CD200: variants seen among roughly 807,000 people sequenced by gnomAD.
CD200 encodes CD200 molecule.
A neutral mutation model predicts 30.9 loss-of-function variants in CD200; 15 were observed. That is an observed-to-expected ratio of 0.49 (90% CI 0.32 to 0.75). The LOEUF (loss-of-function observed/expected upper bound fraction) is 0.75, where lower values mean the gene tolerates loss of function less well. Among genes scored for constraint, CD200 ranks in the 30% least tolerant of loss-of-function variants. The pLI is 0.03. For synonymous variants in CD200, 134 were observed against 126.2 expected (o/e 1.06, Z -0.41); for missense variants, 262 against 324.2 (o/e 0.81, Z 1.47).
intron 1 of CD200, among the ~76,000 whole-genome samples, chr3:112,335,630 T>C (rs1207233068): frequency 2.0e-5 from 3 of 152,184 alleles, no homozygotes; most frequent in Admixed American, 6.5e-5. Context: ...CACTCAGGTA[T>C]GTGGCAGCAC....
chr3:112,361,742 A>G lies in CD200; in HGVS notation c.*192A>G. On this transcript the variant is annotated 3_prime_UTR_variant, in exon 6 of 6. Transcript: ENST00000315711. Reference sequence around the variant, plus strand: ...AGTGTTTGAATCCCAAGAGGAAGTCAGTTTACCTCTCAGGTCTGTTGTAGG... The same window carrying G: ...AGTGTTTGAATCCCAAGAGGAAGTCGGTTTACCTCTCAGGTCTGTTGTAGG... The G allele has an allele frequency of 1.5e-6, 1 of 651,058 alleles. No homozygotes were observed. The highest frequency in any genetic ancestry group is 2.8e-6 in the Non-Finnish European group (1 of 358,510). 40.3% of individuals were successfully genotyped at this position (651,058 alleles called of 1,614,324 possible). A position where few individuals can be genotyped will look rare whatever the true frequency, so the allele number is the denominator to read the frequency against.
intron 1 of CD200, among the ~76,000 whole-genome samples, chr3:112,340,188 C>T (rs2081206630): frequency 6.6e-6 from 1 of 151,990 alleles, no homozygotes; most frequent in African/African-American, 2.4e-5. Context: ...TTAGTATGAA[C>T]ATACATACAG....
chr3:112,335,696 A>G (rs2081099001), intron 1 of CD200: 1 of 466,294 alleles, frequency 2.1e-6, no homozygotes, highest in Admixed American at 3.6e-5. Flanking sequence ...TCTATCCTGA[A>G]AGATCCATCA....
Position 112,361,548 on chromosome 3 carries a change from T to C in CD200, c.808T>C (p.Ter270GlnextTer7), listed in dbSNP as rs2081741885. 6.2e-7 allele frequency: 1 copy of C among 1,608,038 alleles called. No individual in the cohort carries two copies. The highest frequency in any genetic ancestry group is 8.5e-7 in the Non-Finnish European group (1 of 1,174,434). The change falls in exon 6 of 6, where the codon TAA (stop) becomes CAA (glutamine). Residue 270 changes from the stop codon to glutamine, a stop_lost. Coordinates refer to ENST00000315711, the MANE Select transcript of CD200 (RefSeq NM_005944.7). ...CTTGTTTTTCTTTTATCCAGAGCCC[T>C]AAATAAGTCACACAGCACCCTGAAA... ...KRHRNQDREP* is the reference protein window; with the variant it reads ...KRHRNQDREPQ
At position 112,333,621 on chromosome 3, in the gene CD200, G is replaced by A. The variant is rs946194246; in HGVS notation, c.12+397G>A. 10 of 985,412 alleles carry A rather than the reference G, an allele frequency of 1.0e-5. No homozygotes were observed. In the African/African-American group the frequency reaches 1.4e-4, roughly 14 times the overall value. The allele number at this position is 985,412 out of a possible 1,614,324, so 61.0% of individuals were successfully genotyped here. ...AGCCTATTTTAAACTGCCCCCAAAAGGGAAAGAGAAATGCTGTATTGGTTC... is the reference window on the plus strand; with the variant it reads ...AGCCTATTTTAAACTGCCCCCAAAAAGGAAAGAGAAATGCTGTATTGGTTC... On this transcript the variant is annotated intron_variant, in intron 1 of 5. Coordinates refer to ENST00000315711, the MANE Select transcript of CD200 (RefSeq NM_005944.7).
chr3:112,340,175 C>T (rs1449500085), intron 1 of CD200, among the ~76,000 whole-genome samples: 1 of 151,912 alleles, frequency 6.6e-6, no homozygotes, highest in East Asian at 1.9e-4. Flanking sequence ...TTTCCTTTGC[C>T]CCTTAGTATG....
chr3:112,349,583 T>C lies in CD200; in HGVS notation c.695-129T>C, dbSNP rs893417986. The C allele has an allele frequency of 1.9e-5, 10 of 512,922 alleles. No individual in the cohort carries two copies. The Admixed American group carries it at 3.6e-4, about 18-fold the overall frequency. The allele number at this position is 512,922 out of a possible 1,614,324, so 31.8% of individuals were successfully genotyped here. A position where few individuals can be genotyped will look rare whatever the true frequency, so the allele number is the denominator to read the frequency against. On this transcript the variant is annotated intron_variant, in intron 4 of 5. Transcript: ENST00000315711. Reference sequence around the variant, plus strand: ...ATATCTAAATATTATTAAAATAATATGAAGTCATACGTATAAACCTACATA... The same window carrying C: ...ATATCTAAATATTATTAAAATAATACGAAGTCATACGTATAAACCTACATA...
rs2081270405 is a variant in CD200 at position 112,342,341 on chromosome 3, CTTTCTTTCTTT to C, written c.94+1359_94+1369del. 4.5e-3 allele frequency among the ~76,000 whole-genome samples: 205 copies of C among 45,470 alleles called. 5 individuals carry two copies. The highest frequency in any genetic ancestry group is 5.3e-3 in the African/African-American group (63 of 11,806). The allele number at this position is 45,470 out of a possible 152,430, so 29.8% of individuals were successfully genotyped here. A position where few individuals can be genotyped will look rare whatever the true frequency, so the allele number is the denominator to read the frequency against. ...TCTTTCTTTCTTTCTTTCTTTCCTTCTTTCTTTCTTTCTTTCTTTCTTTCTTTCTTTCTTTC... is the reference window on the plus strand; with the variant it reads ...TCTTTCTTTCTTTCTTTCTTTCCTTCCTTTCTTTCTTTCTTTCTTTCTTTC... On this transcript the variant is annotated intron_variant, in intron 2 of 5. Transcript: ENST00000315711.
At chr3:112,337,582 C>G (rs1055838518) in intron 1 of CD200, among the ~76,000 whole-genome samples, 56 of 152,166 alleles carry the variant, frequency 3.7e-4, no homozygotes, top group African/African-American at 1.3e-3. Context: ...GCATCTTGTA[C>G]AAAGAGGAAT....
chr3:112,349,606 A>ATATGTAGGTTTATACG, intron 4 of CD200, 106 bp from the exon 5 acceptor site: 3 of 733,740 alleles, frequency 4.1e-6, no homozygotes, highest in Non-Finnish European at 6.4e-6. Flanking sequence ...ATAAACCTAC[A>ATATGTAGGTTTATACG]TATGTATGTA....
chr3:112,336,303 G>T (rs1163906420), intron 1 of CD200, among the ~76,000 whole-genome samples: 3 of 152,008 alleles, frequency 2.0e-5, no homozygotes, highest in East Asian at 3.9e-4. Context: ...AAATCCTTGT[G>T]GCAGGTAAAG....
intron 2 of CD200, among the ~76,000 whole-genome samples, chr3:112,342,306 CTTTCTTCTTTCTTTCTTTCTTTCT>C (rs1559782727): frequency 0.057 from 3,096 of 54,014 alleles, 412 homozygotes; most frequent in Middle Eastern, 0.12. Context: ...TCCTTCCTTC[CTTTCTTCTTTCTTTCTTTCTTTCT>C]TTCTTTCCTT....
chr3:112,347,674 G>A lies in CD200; in HGVS notation c.538G>A (p.Glu180Lys), dbSNP rs1238508472. ...CTGGAAGGTCCCTCGGTCAGGGATT[G>A]AAAATAGTACAGTGACTCTGTCTCA... Reference protein sequence around the residue: ...VFWKVPRSGIENSTVTLSHPN... With the variant: ...VFWKVPRSGIKNSTVTLSHPN... Residue 180 changes from glutamate to lysine, a missense_variant, in exon 4 of 6, where the codon GAA becomes AAA. By Grantham distance (56) the Glu-to-Lys change is moderately conservative. Transcript: ENST00000315711. The A allele has an allele frequency of 3.3e-5, 53 of 1,613,946 alleles. No individual in the cohort carries two copies. Among genetic ancestry groups the A allele is most frequent in the Non-Finnish European group, 4.4e-5 (52 of 1,179,982 alleles).
chr3:112,332,895 A>T, upstream of CD200: 1 of 404,212 alleles, frequency 2.5e-6, no homozygotes. Context: ...TTCTCAGTCC[A>T]GGTAGCAGGA....
At chr3:112,345,466 A>T (rs1029430368) in intron 3 of CD200, among the ~76,000 whole-genome samples, 178 bp downstream of exon 3, 1 of 152,210 alleles carries the variant, frequency 6.6e-6, no homozygotes, top group Admixed American at 6.5e-5. Flanking sequence ...ATGGGGCTAC[A>T]CTGAGTTCTT....
intron 3 of CD200, 74 bp from the exon 4 acceptor site, chr3:112,347,481 TTCA>T: frequency 7.2e-7 from 1 of 1,382,480 alleles, no homozygotes; most frequent in South Asian, 1.3e-5. Flanking sequence ...GCATATTTCC[TTCA>T]TCTCTCTGAG....
chr3:112,340,911 AT>A lies in CD200; in HGVS notation c.23del (p.Met8SerfsTer28), dbSNP rs2081223979. ...TGCTTTCTGTCTTCAGGTGATCAGG[AT>A]GCCCTTCTCTCATCTGTCTACCTAC... Reference protein sequence around the residue: MERLVIRMPFSHLSTYSL... With the variant: MERLVIRXPFSHLSTYSL... On this transcript the variant is annotated frameshift_variant, in exon 2 of 6. Coordinates refer to ENST00000315711, the MANE Select transcript of CD200 (RefSeq NM_005944.7). LOFTEE classifies it high-confidence loss of function. 1 of 1,601,990 alleles carries A rather than the reference AT, an allele frequency of 6.2e-7. No individual in the cohort carries two copies. Among genetic ancestry groups the A allele is most frequent in the Admixed American group, 1.7e-5 (1 of 59,954 alleles).
rs180756316 is a variant in CD200, at chr3:112,344,868, T to C, written c.95-94T>C. ...TTTTGCATTTTCTCTTTCTTTTCTA[T>C]ATTTGACATTGAATATACATTTTAT... On this transcript the variant is annotated intron_variant, in intron 2 of 5. Transcript: ENST00000315711. The C allele has an allele frequency of 1.2e-4, 111 of 955,830 alleles. 1 individual carries two copies. The East Asian group carries it at 2.5e-3, about 21-fold the overall frequency. 59.2% of individuals were successfully genotyped at this position (955,830 alleles called of 1,614,324 possible).
chr3:112,343,751 G>T (rs1203796757), intron 2 of CD200, among the ~76,000 whole-genome samples: 2 of 151,960 alleles, frequency 1.3e-5, no homozygotes, highest in African/African-American at 2.4e-5. Context: ...ATGTTGTTAG[G>T]TGCATAAAGG....
Sources: allele counts gnomAD v4.1 joint callset (sites outside exome capture counted in the v4.1 genomes callset), GRCh38; gene constraint gnomAD v4.1.1; transcripts MANE v1.5; gene names NCBI Gene and HGNC (gene_info 2026-07-23, HGNC 2026-07-21).